GNA12: variants seen among roughly 807,000 people sequenced by gnomAD.
GNA12 encodes the protein guanine nucleotide-binding protein subunit alpha-12.
In GNA12, 9 loss-of-function variants were observed where a neutral mutation model predicts 26.0. The ratio of observed to expected loss-of-function variants is 0.35; its 90% CI spans 0.21 to 0.60. The LOEUF (loss-of-function observed/expected upper bound fraction) is 0.60, where lower values mean the gene tolerates loss of function less well. Ranked by LOEUF, GNA12 falls within the 20% of genes least tolerant of loss-of-function variation. GNA12 has a pLI of 0.78. For missense variants in GNA12, 405 were observed against 525.8 expected, an observed-to-expected ratio of 0.77 and a Z score of 2.25; for synonymous variants, 264 against 219.6, an observed-to-expected ratio of 1.20 and a Z score of -1.79.
chr7:2,794,040 C>T (rs1792587734), intron 2 of GNA12, among the ~76,000 whole-genome samples: 8 of 152,094 alleles, frequency 5.3e-5, no homozygotes, highest in African/African-American at 1.4e-4. Flanking sequence ...CTATGTGCCT[C>T]GCCTGATGAA....
chr7:2,823,778 A>G (rs1793421460), intron 1 of GNA12, among the ~76,000 whole-genome samples: 2 of 152,352 alleles, frequency 1.3e-5, no homozygotes, highest in Non-Finnish European at 2.9e-5. Context: ...ATAAAACCCA[A>G]TGCAAATGAG....
chr7:2,765,132 A>T (rs1583260446), intron 2 of GNA12: 1 of 152,094 alleles, frequency 6.6e-6, no homozygotes, highest in Admixed American at 6.5e-5. Context: ...CTAAGGGAAA[A>T]AAAGAATCAC....
At chr7:2,764,645 G>C (rs1412217114) in intron 2 of GNA12, 2 of 152,230 alleles carry the variant, frequency 1.3e-5, no homozygotes. Context: ...CAGAGCTGAG[G>C]CTGCCCTCGA....
chr7:2,758,273 C>T (rs929833104), intron 2 of GNA12, among the ~76,000 whole-genome samples: 2 of 152,198 alleles, frequency 1.3e-5, no homozygotes, highest in Non-Finnish European at 1.5e-5. Flanking sequence ...CACTGTAATC[C>T]TAGCACTTTA....
At chr7:2,835,439 C>G (rs1778810061) in intron 1 of GNA12, among the ~76,000 whole-genome samples, 1 of 152,212 alleles carries the variant, frequency 6.6e-6, no homozygotes, top group African/African-American at 2.4e-5. Flanking sequence ...CTGGCATGTA[C>G]CAAGTCCTTC....
At chr7:2,811,772 C>T (rs1470105576) in intron 1 of GNA12, among the ~76,000 whole-genome samples, 3 of 152,228 alleles carry the variant, frequency 2.0e-5, no homozygotes, top group South Asian at 2.1e-4. Context: ...CCCTGCGGCA[C>T]GGACGCTGCT....
chr7:2,762,863 G>T (rs1235592800), intron 2 of GNA12: 3 of 1,459,152 alleles, frequency 2.1e-6, no homozygotes, highest in Non-Finnish European at 2.7e-6. Flanking sequence ...GAGAGGGCCA[G>T]CTCCGAGCCC....
At chr7:2,777,005 G>A (rs140507181) in intron 2 of GNA12, among the ~76,000 whole-genome samples, 162 of 152,266 alleles carry the variant, frequency 1.1e-3, no homozygotes, top group Middle Eastern at 3.4e-3. Context: ...GGGGTGGGTT[G>A]TGCCTTTACC....
chr7:2,741,620 C>G (rs1167609801), intron 2 of GNA12, among the ~76,000 whole-genome samples: 1 of 152,136 alleles, frequency 6.6e-6, no homozygotes, highest in African/African-American at 2.4e-5. Flanking sequence ...ACAAAGAGCT[C>G]ATACAGTCTT....
chr7:2,763,736 C>T (rs1562415193), intron 2 of GNA12, among the ~76,000 whole-genome samples: 1 of 152,226 alleles, frequency 6.6e-6, no homozygotes, highest in Non-Finnish European at 1.5e-5. Context: ...AATGTGCCTT[C>T]CCTGCACAAA....
At chr7:2,827,191 T>C (rs1233123680) in intron 1 of GNA12, among the ~76,000 whole-genome samples, 1 of 152,162 alleles carries the variant, frequency 6.6e-6, no homozygotes, top group Non-Finnish European at 1.5e-5. Context: ...GGTAAATTCA[T>C]GGAGACAGAA....
chr7:2,798,954 TG>T (rs1339956373), intron 1 of GNA12, among the ~76,000 whole-genome samples: 1 of 55,602 alleles, frequency 1.8e-5, no homozygotes, highest in Non-Finnish European at 3.6e-5. Context: ...TAAAGAAAAT[TG>T]GGGGGAGCGG....
intron 2 of GNA12, among the ~76,000 whole-genome samples, chr7:2,783,844 C>T (rs1242780222): frequency 6.6e-6 from 1 of 151,912 alleles, no homozygotes; most frequent in African/African-American, 2.4e-5. Flanking sequence ...ACCACCATGT[C>T]TGGCTTATTT....
At chr7:2,783,658 A>AT (rs1231721980) in intron 2 of GNA12, among the ~76,000 whole-genome samples, 1 of 46,948 alleles carries the variant, frequency 2.1e-5, no homozygotes, top group African/African-American at 6.2e-5. Context: ...ACATTTATTT[A>AT]TTTATTTATT....
At chr7:2,839,359 G>C (rs1778925746) in intron 1 of GNA12, among the ~76,000 whole-genome samples, 1 of 152,008 alleles carries the variant, frequency 6.6e-6, no homozygotes, top group South Asian at 2.1e-4. Context: ...CGCCTCCCAG[G>C]TTCAAGTGTG....
At chr7:2,843,818 CTGGGTG>C in intron 1 of GNA12, 29 bp downstream of exon 1, 1 of 1,303,660 alleles carries the variant, frequency 7.7e-7, no homozygotes, top group Non-Finnish European at 1.0e-6. Context: ...CCCGGCCCAC[CTGGGTG>C]CAGGTGCTGG....
At chr7:2,756,692 A>G (rs926833627) in intron 2 of GNA12, among the ~76,000 whole-genome samples, 7 of 152,246 alleles carry the variant, frequency 4.6e-5, no homozygotes, top group Admixed American at 6.5e-5. Context: ...TCAGAATTCT[A>G]AGATGAGCCT....
chr7:2,783,720 T>C (rs1354915780), intron 2 of GNA12, among the ~76,000 whole-genome samples: 2 of 148,932 alleles, frequency 1.3e-5, no homozygotes, highest in African/African-American at 5.0e-5. Flanking sequence ...AGTATTGCTC[T>C]GTCCCCCAGG....
intron 2 of GNA12, 65 bp downstream of exon 2, chr7:2,794,863 C>G: frequency 8.8e-7 from 1 of 1,142,004 alleles, no homozygotes; most frequent in Non-Finnish European, 1.3e-6. Context: ...ATTCAACTAA[C>G]GGTCCAAAAT....
Sources: allele counts gnomAD v4.1 joint callset (sites outside exome capture counted in the v4.1 genomes callset), GRCh38; gene constraint gnomAD v4.1.1; transcripts MANE v1.5; gene names NCBI Gene and HGNC (gene_info 2026-07-23, HGNC 2026-07-21).